The following GDF1 variants were observed in gnomAD, a reference collection of about 807,000 sequenced individuals.
GDF1 encodes growth differentiation factor 1.
Under a neutral mutation model 7.4 loss-of-function variants are expected in GDF1, and 8 were observed. That is an observed-to-expected ratio of 1.09 (90% CI 0.64 to 1.96). GDF1 has a LOEUF of 1.96. Among genes scored for constraint, GDF1 ranks in the 30% most tolerant of loss-of-function variants. The pLI, the probability that GDF1 is intolerant of heterozygous loss-of-function variation, is 0.00. For missense variants in GDF1, 574 were observed against 551.5 expected, an observed-to-expected ratio of 1.04 and a Z score of -0.41; for synonymous variants, 311 against 276.7, an observed-to-expected ratio of 1.12 and a Z score of -1.23.
Position 18,878,145 on chromosome 19 carries a change from C to T in GDF1, c.-313+785G>A. The stretch of plus-strand genomic sequence containing the variant: ...CACCGATGGCCCCCACCGGCCAAAT[C>T]AGAGGGCCTGGCTGGTCGGCACCTT... On this transcript the variant is annotated intron_variant, in intron 6 of 7. Coordinates refer to ENST00000247005, the MANE Select transcript of GDF1 (RefSeq NM_001492.6). The surrounding 1 kb of genome is among the most constrained non-coding windows in gnomAD (Gnocchi z 4.6). 1.0e-6 allele frequency: 1 copy of T among 985,550 alleles called. No individual in the cohort carries two copies. Among genetic ancestry groups the T allele is most frequent in the Non-Finnish European group, 1.2e-6 (1 of 830,030 alleles). 61.1% of individuals were successfully genotyped at this position (985,550 alleles called of 1,614,324 possible). A position where few individuals can be genotyped will look rare whatever the true frequency, so the allele number is the denominator to read the frequency against.
At position 18,870,350 on chromosome 19, in the gene GDF1, C is replaced by T. The variant is rs1274337123; in HGVS notation, c.-43G>A. The T allele has an allele frequency of 6.5e-7, 1 of 1,540,062 alleles. No homozygotes were observed. The highest frequency in any genetic ancestry group is 8.7e-7 in the Non-Finnish European group (1 of 1,145,060). ...ACCAGAGAGTGCGCAGGGTCCGCGG[C>T]GGCCCGGGACCAGTGGGCTGAGGGC... is the stretch of plus-strand genomic sequence containing the variant. On this transcript the variant is annotated 5_prime_UTR_variant, in exon 7 of 8. Coordinates refer to ENST00000247005, the MANE Select transcript of GDF1 (RefSeq NM_001492.6). This position sits in a 1 kb window ranked among gnomAD's most constrained non-coding sequence, Gnocchi z 5.1.
At chr19:18,891,628 A>G (rs2056493267) in intron 2 of GDF1, among the ~76,000 whole-genome samples, 1 of 152,126 alleles carries the variant, frequency 6.6e-6, no homozygotes, top group Non-Finnish European at 1.5e-5. Context: ...CCCAGGCTGG[A>G]GTGCAGTGGC....
In GDF1 at chr19:18,895,905, C is replaced by A; in HGVS notation, c.-1155G>T. 1 of 1,251,860 alleles carries A rather than the reference C, an allele frequency of 8.0e-7. No individual in the cohort carries two copies. Among genetic ancestry groups the A allele is most frequent in the Non-Finnish European group, 1.0e-6 (1 of 997,080 alleles). 77.5% of individuals were successfully genotyped at this position (1,251,860 alleles called of 1,614,324 possible). A position where few individuals can be genotyped will look rare whatever the true frequency, so the allele number is the denominator to read the frequency against. The stretch of plus-strand genomic sequence containing the variant: ...GCGCCAGCAGCAGCAGCTCGGGCGG[C>A]GCCAGGTGCGCGTGCTCAGCCAGGC... On this transcript the variant is annotated 5_prime_UTR_variant, in exon 1 of 8. Coordinates refer to ENST00000247005, the MANE Select transcript of GDF1 (RefSeq NM_001492.6). The surrounding 1 kb of genome is among the most constrained non-coding windows in gnomAD (Gnocchi z 6.4).
intron 6 of GDF1, among the ~76,000 whole-genome samples, chr19:18,871,369 C>T (rs1016072507): frequency 6.6e-6 from 1 of 151,384 alleles, no homozygotes; most frequent in African/African-American, 2.4e-5. Flanking sequence ...GTGGTGGCAC[C>T]TGCCACCACA....
chr19:18,880,171 A>T, intron 4 of GDF1, 103 bp downstream of exon 4: 1 of 1,181,790 alleles, frequency 8.5e-7, no homozygotes, highest in Non-Finnish European at 1.1e-6. Context: ...CACCCACCTC[A>T]CCGGGCCCCG....
chr19:18,870,102 C>T lies in GDF1; in HGVS notation c.206G>A (p.Arg69Gln), dbSNP rs775390513. 6 of 1,570,018 alleles carry T rather than the reference C, an allele frequency of 3.8e-6. No homozygotes were observed. Among genetic ancestry groups the T allele is most frequent in the Admixed American group, 3.6e-5 (2 of 55,216 alleles). ...GCCAGACCTGGTCTCCTGGGGGTCC[C>T]GGCGTCGAAACAGGCGCCACATGAC... ...PPVMWRLFRR[R>Q]DPQETRSGSR... Residue 69 changes from arginine to glutamine, a missense_variant, in exon 7 of 8, where the codon CGG becomes CAG. Physicochemically the swap from Arg to Gln is conservative, Grantham distance 43. Transcript: ENST00000247005. This position sits in a 1 kb window ranked among gnomAD's most constrained non-coding sequence, Gnocchi z 5.1.
intron 3 of GDF1, among the ~76,000 whole-genome samples, 199 bp downstream of exon 3, chr19:18,883,888 G>A (rs7255475): frequency 6.6e-5 from 10 of 152,042 alleles, no homozygotes; most frequent in South Asian, 2.1e-4. Flanking sequence ...AGGAATCTCC[G>A]GGCCCACATC....
chr19:18,879,204 G>A, intron 5 of GDF1, 37 bp downstream of exon 5: 1 of 1,612,092 alleles, frequency 6.2e-7, no homozygotes, highest in Non-Finnish European at 8.5e-7. Flanking sequence ...GACGAGGACG[G>A]GACCGCCACT....
At chr19:18,869,945 C>A (rs1442090666) in intron 7 of GDF1, 38 bp downstream of exon 7, 2 of 1,546,978 alleles carry the variant, frequency 1.3e-6, no homozygotes, top group Non-Finnish European at 1.7e-6. Flanking sequence ...CGAGGTCTGG[C>A]CTCCAGGACC....
intron 2 of GDF1, among the ~76,000 whole-genome samples, chr19:18,889,398 A>G (rs1346125241): frequency 6.6e-6 from 1 of 151,850 alleles, no homozygotes; most frequent in East Asian, 1.9e-4. Flanking sequence ...GTCCTGGCTT[A>G]GTTCAGAGGT....
intron 4 of GDF1, among the ~76,000 whole-genome samples, chr19:18,879,659 C>T (rs1400179034): frequency 1.3e-5 from 2 of 149,028 alleles, no homozygotes; most frequent in Non-Finnish European, 3.0e-5. Context: ...TTCCCAGTCC[C>T]TCCCCTTCTC....
At position 18,879,392 on chromosome 19, in the gene GDF1, C is replaced by T. The variant is rs752273143; in HGVS notation, c.-570-4G>A. 28 of 1,558,290 alleles carry T rather than the reference C, an allele frequency of 1.8e-5. No homozygotes were observed. The highest frequency in any genetic ancestry group is 1.1e-4 in the African/African-American group (8 of 73,362). On this transcript the variant is annotated splice_region_variant and splice_polypyrimidine_tract_variant and intron_variant, in intron 4 of 7. Coordinates refer to ENST00000247005, the MANE Select transcript of GDF1 (RefSeq NM_001492.6). ...CCAGTAGAGGCGGAACCAGAACCTG[C>T]GGTGGGAGGAGTCAGGAGGCCGTGG... is the stretch of plus-strand genomic sequence containing the variant.
chr19:18,870,402 G>A lies in GDF1; in HGVS notation c.-95C>T. 1.5e-6 allele frequency: 2 copies of A among 1,357,854 alleles called. No individual in the cohort carries two copies. The highest frequency in any genetic ancestry group is 2.0e-6 in the Non-Finnish European group (2 of 991,492). The allele number at this position is 1,357,854 out of a possible 1,614,324, so 84.1% of individuals were successfully genotyped here. ...GGGCCGGTGTCCCCGGAGGGGCAGG[G>A]GTCCTGGGGGGCGTGGCCGGGAACT... On this transcript the variant is annotated 5_prime_UTR_variant, in exon 7 of 8. Transcript: ENST00000247005. The surrounding 1 kb of genome is among the most constrained non-coding windows in gnomAD (Gnocchi z 5.1).
intron 6 of GDF1, among the ~76,000 whole-genome samples, chr19:18,872,125 G>C (rs910174018): frequency 2.0e-5 from 3 of 152,240 alleles, no homozygotes; most frequent in Admixed American, 2.0e-4. Context: ...CCCACAGAGA[G>C]TATAGATTCC....
At chr19:18,869,774 G>A (rs1432068605) in intron 7 of GDF1, among the ~76,000 whole-genome samples, 1 of 152,142 alleles carries the variant, frequency 6.6e-6, no homozygotes, top group Non-Finnish European at 1.5e-5. Context: ...TCAAGCAGAA[G>A]GACTGGTCTT....
In GDF1 at chr19:18,870,791, CCCTGCCCCTCCTTCAA is replaced by C; in HGVS notation, c.-312-188_-312-173del. Reference sequence around the variant, plus strand: ...TTCACCCTGCCCCTCCTTGCCTTCACCCTGCCCCTCCTTCAACCTGCCCCGTAGGCACGTATGTCCC... The same window carrying C: ...TTCACCCTGCCCCTCCTTGCCTTCACCCTGCCCCGTAGGCACGTATGTCCC... On this transcript the variant is annotated intron_variant, in intron 6 of 7. Transcript: ENST00000247005. The surrounding 1 kb of genome is among the most constrained non-coding windows in gnomAD (Gnocchi z 5.1). Among the ~76,000 whole-genome samples the C allele has an allele frequency of 6.6e-6, 1 of 152,226 alleles. No individual in the cohort carries two copies. Among genetic ancestry groups the C allele is most frequent in the Admixed American group, 6.5e-5 (1 of 15,294 alleles).
chr19:18,892,195 G>A (rs569568837), intron 2 of GDF1, among the ~76,000 whole-genome samples: 14 of 151,858 alleles, frequency 9.2e-5, no homozygotes, highest in Admixed American at 6.6e-4. Context: ...ATCGCACCAG[G>A]CTTCATCATG....
intron 2 of GDF1, among the ~76,000 whole-genome samples, chr19:18,886,559 C>T (rs2056366765): frequency 1.3e-5 from 2 of 151,990 alleles, no homozygotes; most frequent in Admixed American, 1.3e-4. Flanking sequence ...TGTCTCAAAA[C>T]AAAACAAACA....
chr19:18,885,715 G>C (rs2056339771), intron 2 of GDF1, among the ~76,000 whole-genome samples: 2 of 149,060 alleles, frequency 1.3e-5, no homozygotes, highest in African/African-American at 5.0e-5. Context: ...GAGACAGGGT[G>C]TCATCATGTT....
Sources: gnomAD v4.1 joint callset for allele counts (sites outside exome capture counted in the v4.1 genomes callset) on GRCh38, gnomAD v4.1.1 for gene constraint, Gnocchi (gnomAD v3.1) non-coding constraint, MANE v1.5 for transcripts, NCBI Gene and HGNC (gene_info 2026-07-23, HGNC 2026-07-21) for gene names.